The following AFAP1 variants were observed in gnomAD, a reference collection of about 807,000 sequenced individuals.
AFAP1 encodes the protein actin filament associated protein 1.
In AFAP1, 75 loss-of-function variants were observed where a neutral mutation model predicts 93.9. The observed-to-expected ratio is 0.80, with a 90% CI of 0.66 to 0.97. The LOEUF is 0.97. Among genes scored for constraint, AFAP1 ranks in the 50% least tolerant of loss-of-function variants. The pLI, the probability that AFAP1 is intolerant of heterozygous loss-of-function variation, is 0.00. For synonymous variants in AFAP1, 517 were observed against 430.7 expected (o/e 1.20, Z -2.48); for missense variants, 1,201 against 1,050.8 (o/e 1.14, Z -1.98).
In AFAP1 at chr4:7,810,222, G is replaced by C. The variant is rs550687353; in HGVS notation, c.905-459C>G. On this transcript the variant is annotated intron_variant, in intron 8 of 17. Coordinates refer to ENST00000420658, the MANE Select transcript of AFAP1 (RefSeq NM_001134647.2). The stretch of plus-strand genomic sequence containing the variant: ...CGTGCTGGCTGTTGGTCTAGATGCT[G>C]GGATTTCAGCACAACACAGGGCTGC... Among the ~76,000 whole-genome samples, 3 of 152,306 alleles carry C rather than the reference G, an allele frequency of 2.0e-5. No individual in the cohort carries two copies. In the South Asian group the frequency reaches 6.2e-4, roughly 32 times the overall value.
Position 7,872,048 on chromosome 4 carries a change from A to G in AFAP1, c.31T>C (p.Phe11Leu), listed in dbSNP as rs1717100024. The G allele has an allele frequency of 1.2e-6, 2 of 1,614,150 alleles. No individual in the cohort carries two copies. Among genetic ancestry groups the G allele is most frequent in the South Asian group, 1.1e-5 (1 of 91,076 alleles). Residue 11 changes from phenylalanine to leucine, a missense_variant, in exon 2 of 18, where the codon TTT becomes CTT. By Grantham distance (22) the Phe-to-Leu change is conservative. Transcript: ENST00000420658. ...TATTCATGGTCCAGGAGTTCAAGAA[A>G]GAGACGAAGTTCAACTATTAACTCT... MEELIVELRL[F>L]LELLDHEYLT...
At chr4:7,818,921 G>A (rs996144350) in intron 7 of AFAP1, among the ~76,000 whole-genome samples, 155 bp downstream of exon 7, 2 of 152,296 alleles carry the variant, frequency 1.3e-5, no homozygotes. Context: ...CAAGCTTAGC[G>A]CAAAGCAGGC....
chr4:7,829,280 CTG>C (rs1198986762), intron 6 of AFAP1, among the ~76,000 whole-genome samples: 1 of 152,186 alleles, frequency 6.6e-6, no homozygotes, highest in Non-Finnish European at 1.5e-5. Context: ...CTTTTCCTGG[CTG>C]TGTTATATTA....
intron 15 of AFAP1, chr4:7,774,402 C>T (rs1472771158): frequency 3.7e-6 from 1 of 271,574 alleles, no homozygotes; most frequent in African/African-American, 2.2e-5. Flanking sequence ...TGACCAGAAT[C>T]TACTGCGTCC....
In AFAP1 at chr4:7,769,002, C is replaced by G; in HGVS notation, c.2260G>C (p.Val754Leu). 6.2e-7 allele frequency: 1 copy of G among 1,610,386 alleles called. No homozygotes were observed. The highest frequency in any genetic ancestry group is 8.5e-7 in the Non-Finnish European group (1 of 1,177,562). The change falls in exon 17 of 18, where the codon GTG becomes CTG. Residue 754 changes from valine (V) to leucine (L), a missense_variant. Coordinates refer to ENST00000420658, the MANE Select transcript of AFAP1 (RefSeq NM_001134647.2). The stretch of plus-strand genomic sequence containing the variant: ...TTTTCCAGGGTCCGGTGCCGGAACA[C>G]TGGAGACTTAACGGAGAGAGAGAAC... ...KSGTSSPQSP[V>L]FRHRTLENSP...
rs1452106917 is a variant in AFAP1 at position 7,889,560 on chromosome 4, A to G, written c.-2-17480T>C. Among the ~76,000 whole-genome samples the G allele has an allele frequency of 5.9e-3, 669 of 113,494 alleles. 1 individual carries two copies. The highest frequency in any genetic ancestry group is 0.015 in the African/African-American group (532 of 35,830). The allele number at this position is 113,494 out of a possible 152,430, so 74.5% of individuals were successfully genotyped here. A position where few individuals can be genotyped will look rare whatever the true frequency, so the allele number is the denominator to read the frequency against. ...TCCATCCCAAAAAAAAAAAAAAAAG[A>G]AAAAAAAAAAGGCATACATATAAAA... On this transcript the variant is annotated intron_variant, in intron 1 of 17. Coordinates refer to ENST00000420658, the MANE Select transcript of AFAP1 (RefSeq NM_001134647.2).
intron 1 of AFAP1, among the ~76,000 whole-genome samples, chr4:7,922,038 G>A (rs554113353): frequency 6.6e-6 from 1 of 152,238 alleles, no homozygotes; most frequent in African/African-American, 2.4e-5. Context: ...CAGCAGAATC[G>A]CTTGAACCCA....
intron 11 of AFAP1, among the ~76,000 whole-genome samples, chr4:7,786,615 C>A (rs961758504): frequency 6.8e-6 from 1 of 146,756 alleles, no homozygotes; most frequent in Non-Finnish European, 1.5e-5. Context: ...GATTATCATC[C>A]GTCTCTCACT....
intron 1 of AFAP1, among the ~76,000 whole-genome samples, chr4:7,926,633 A>G (rs1720782436): frequency 6.6e-6 from 1 of 152,192 alleles, no homozygotes; most frequent in Admixed American, 6.5e-5. Context: ...GGACACTGCC[A>G]TGGGTGAAGC....
At chr4:7,917,993 A>C (rs949506686) in intron 1 of AFAP1, among the ~76,000 whole-genome samples, 2 of 152,168 alleles carry the variant, frequency 1.3e-5, no homozygotes, top group African/African-American at 4.8e-5. Context: ...TTGGTAACTC[A>C]CCAGCTGTTG....
intron 8 of AFAP1, among the ~76,000 whole-genome samples, chr4:7,815,256 G>A (rs1246516083): frequency 1.4e-5 from 2 of 147,818 alleles, no homozygotes; most frequent in African/African-American, 5.0e-5. Flanking sequence ...GGGGGAGGAG[G>A]GAATGGGGAG....
At chr4:7,828,623 G>A (rs1452226348) in intron 6 of AFAP1, among the ~76,000 whole-genome samples, 1 of 152,182 alleles carries the variant, frequency 6.6e-6, no homozygotes, top group Non-Finnish European at 1.5e-5. Flanking sequence ...ACAGTGGTAA[G>A]AGCAGCTTTT....
intron 1 of AFAP1, among the ~76,000 whole-genome samples, chr4:7,911,612 A>G (rs940571383): frequency 1.3e-5 from 2 of 152,140 alleles, no homozygotes; most frequent in African/African-American, 4.8e-5. Flanking sequence ...TCCATTTTTT[A>G]AGAAATGGAG....
Position 7,763,564 on chromosome 4 carries a change from C to G in AFAP1, c.*201G>C. Reference sequence around the variant, plus strand: ...AACAAAGTTGGGAACCAAAGTCTTACATCTTTTTTAAAGGCGCCATTTTAC... The same window carrying G: ...AACAAAGTTGGGAACCAAAGTCTTAGATCTTTTTTAAAGGCGCCATTTTAC... On this transcript the variant is annotated 3_prime_UTR_variant, in exon 18 of 18. Transcript: ENST00000420658. 1 of 593,512 alleles carries G rather than the reference C, an allele frequency of 1.7e-6. No individual in the cohort carries two copies. The allele number at this position is 593,512 out of a possible 1,614,324, so 36.8% of individuals were successfully genotyped here. A position where few individuals can be genotyped will look rare whatever the true frequency, so the allele number is the denominator to read the frequency against.
chr4:7,818,323 T>C (rs751691861), intron 7 of AFAP1, among the ~76,000 whole-genome samples: 39 of 152,168 alleles, frequency 2.6e-4, no homozygotes, highest in Admixed American at 3.9e-4. Flanking sequence ...CAATGCCTTC[T>C]AAGAAATCTG....
At position 7,781,494 on chromosome 4, in the gene AFAP1, T is replaced by C; in HGVS notation, c.1664A>G (p.Lys555Arg). The C allele has an allele frequency of 6.4e-7, 1 of 1,552,234 alleles. No homozygotes were observed. Among genetic ancestry groups the C allele is most frequent in the South Asian group, 1.2e-5 (1 of 84,062 alleles). Residue 555 changes from lysine to arginine, a missense_variant, in exon 13 of 18, where the codon AAG becomes AGG. By Grantham distance (26) the Lys-to-Arg change is conservative. Coordinates refer to ENST00000420658, the MANE Select transcript of AFAP1 (RefSeq NM_001134647.2). ...IFARYSPADR[K>R]ASRLSADKLS... ...CTTGTCAGCAGACAGCCTAGAGGCC[T>C]TTCTGTCAGCAGGAGAGTAGCGGGC...
intron 1 of AFAP1, among the ~76,000 whole-genome samples, chr4:7,872,547 T>C (rs1413124280): frequency 6.6e-6 from 1 of 152,242 alleles, no homozygotes; most frequent in Non-Finnish European, 1.5e-5. Context: ...TTTATGCAGT[T>C]AGCACAAAGG....
intron 10 of AFAP1, among the ~76,000 whole-genome samples, chr4:7,795,765 T>A (rs981441029): frequency 6.6e-5 from 10 of 152,186 alleles, no homozygotes; most frequent in Admixed American, 6.5e-4. Context: ...TATGTCACTA[T>A]AACCATTTCA....
chr4:7,885,112 C>A (rs2149200561), intron 1 of AFAP1, among the ~76,000 whole-genome samples: 1 of 152,312 alleles, frequency 6.6e-6, no homozygotes, highest in South Asian at 2.1e-4. Flanking sequence ...CAAACCATGA[C>A]CAACCTGCTT....
Sources: gnomAD v4.1 joint callset for allele counts (sites outside exome capture counted in the v4.1 genomes callset) on GRCh38, gnomAD v4.1.1 for gene constraint, MANE v1.5 for transcripts, NCBI Gene and HGNC (gene_info 2026-07-23, HGNC 2026-07-21) for gene names.